The following GRM4 variants were observed in gnomAD, a reference collection of about 807,000 sequenced individuals.
GRM4 encodes metabotropic glutamate receptor 4.
GRM4 carries 28 observed loss-of-function variants against 81.7 expected under a neutral mutation model. That is an observed-to-expected ratio of 0.34 (90% CI 0.25 to 0.47). The LOEUF (loss-of-function observed/expected upper bound fraction) is 0.47, where lower values mean the gene tolerates loss of function less well. Ranked by LOEUF, GRM4 falls within the 20% of genes least tolerant of loss-of-function variation. The probability of loss-of-function intolerance (pLI) is 1.00; values close to 1 mark genes in which losing one functional copy is unlikely to be tolerated. For synonymous variants in GRM4, 488 were observed against 528.8 expected (o/e 0.92, Z 1.06); for missense variants, 948 against 1,290.0 (o/e 0.73, Z 4.06).
intron 1 of GRM4, chr6:34,154,991 C>A (rs1771119575): frequency 8.8e-7 from 1 of 1,139,926 alleles, no homozygotes; most frequent in Non-Finnish European, 1.2e-6. Context: ...CGAGCGGGAC[C>A]CAGGCCCAGT....
intron 8 of GRM4, among the ~76,000 whole-genome samples, chr6:34,039,511 G>A (rs115325450): frequency 0.013 from 1,989 of 152,262 alleles, 25 homozygotes; most frequent in Middle Eastern, 0.044. Context: ...ACTTTGTTGA[G>A]GAACAAACCA....
chr6:34,132,942 G>T (rs746813194), intron 2 of GRM4, 36 bp downstream of exon 2: 5 of 1,535,462 alleles, frequency 3.3e-6, no homozygotes, highest in South Asian at 1.3e-5. Flanking sequence ...GTCCGTTGGG[G>T]GAAGAGCACC....
intron 2 of GRM4, among the ~76,000 whole-genome samples, chr6:34,112,621 C>T (rs550992153): frequency 6.6e-6 from 1 of 152,070 alleles, no homozygotes; most frequent in African/African-American, 2.4e-5. Context: ...GTGCCCATGG[C>T]AGGTTCCAGC....
chr6:34,132,005 A>G (rs1195670840), intron 2 of GRM4, among the ~76,000 whole-genome samples: 3 of 152,096 alleles, frequency 2.0e-5, no homozygotes, highest in African/African-American at 4.8e-5. Context: ...AGCAAACAAG[A>G]CAGGCTCCAA....
intron 10 of GRM4, among the ~76,000 whole-genome samples, chr6:34,025,616 G>A (rs1182843511): frequency 6.6e-6 from 1 of 152,196 alleles, no homozygotes; most frequent in Non-Finnish European, 1.5e-5. Context: ...TCACCATCTG[G>A]AAAATGGGAG....
At position 34,092,047 on chromosome 6, in the gene GRM4, C is replaced by T. The variant is rs763947406; in HGVS notation, c.572G>A (p.Arg191His). ...STAPDLSDNS[R>H]YDFFSRVVPS... ...CACCACGCGGGAGAAGAAGTCGTAG[C>T]GGCTGTTGTCACTCAGGTCTGGCGC... is the stretch of plus-strand genomic sequence containing the variant. The change falls in exon 3 of 11, where the codon CGC becomes CAC. Residue 191 changes from arginine (R) to histidine (H), a missense_variant. Physicochemically the swap from Arg to His is conservative, Grantham distance 29. Coordinates refer to ENST00000538487, the MANE Select transcript of GRM4 (RefSeq NM_000841.4). The surrounding 1 kb of genome is among the most constrained non-coding windows in gnomAD (Gnocchi z 6.8). 4 of 1,613,706 alleles carry T rather than the reference C, an allele frequency of 2.5e-6. No individual in the cohort carries two copies. Among genetic ancestry groups the T allele is most frequent in the Non-Finnish European group, 2.5e-6 (3 of 1,179,772 alleles).
intron 5 of GRM4, 136 bp from the exon 6 acceptor site, chr6:34,056,820 A>G (rs1765921357): frequency 3.1e-6 from 3 of 961,110 alleles, no homozygotes; most frequent in Non-Finnish European, 4.5e-6. Context: ...CTGATCCAGG[A>G]GAAAACAAAA....
chr6:34,143,641 A>ATT (rs1338072326), intron 1 of GRM4, among the ~76,000 whole-genome samples: 8 of 152,236 alleles, frequency 5.3e-5, no homozygotes, highest in African/African-American at 1.9e-4. Context: ...CCAGAGCCTG[A>ATT]GGTTCAGCAT....
At chr6:34,045,640 G>T (rs1042393381) in intron 6 of GRM4, among the ~76,000 whole-genome samples, 7 of 152,152 alleles carry the variant, frequency 4.6e-5, no homozygotes. Flanking sequence ...CCATTGTCTG[G>T]CCAGGCCCAA....
At chr6:34,124,245 G>C (rs986678593) in intron 2 of GRM4, among the ~76,000 whole-genome samples, 1 of 152,086 alleles carries the variant, frequency 6.6e-6, no homozygotes, top group Non-Finnish European at 1.5e-5. Flanking sequence ...CTGTCCCCGG[G>C]GTCTCTGCAC....
At position 34,059,377 on chromosome 6, in the gene GRM4, C is replaced by T. The variant is rs188665147; in HGVS notation, c.873-249G>A. On this transcript the variant is annotated intron_variant, in intron 4 of 10. Coordinates refer to ENST00000538487, the MANE Select transcript of GRM4 (RefSeq NM_000841.4). The surrounding 1 kb of genome is among the most constrained non-coding windows in gnomAD (Gnocchi z 5.7). ...GGGCCCACGCCTGCTGCAGGCCCAG[C>T]GTGATTCTCCAGGCCTACATCTGTC... 8 of 543,250 alleles carry T rather than the reference C, an allele frequency of 1.5e-5. No individual in the cohort carries two copies. Among genetic ancestry groups the T allele is most frequent in the Admixed American group, 3.2e-5 (1 of 31,714 alleles). 33.7% of individuals were successfully genotyped at this position (543,250 alleles called of 1,614,324 possible). A position where few individuals can be genotyped will look rare whatever the true frequency, so the allele number is the denominator to read the frequency against.
In GRM4 at chr6:34,022,644, C is replaced by T. The variant is rs1420589433; in HGVS notation, c.*177G>A. ...GCCCCTCGTCCTCCTGTTGCTCACCCGGTTTGCCCAGGCTGCCAGCAGTGA... is the reference window on the plus strand; with the variant it reads ...GCCCCTCGTCCTCCTGTTGCTCACCTGGTTTGCCCAGGCTGCCAGCAGTGA... On this transcript the variant is annotated 3_prime_UTR_variant, in exon 11 of 11. Transcript: ENST00000538487. This position sits in a 1 kb window ranked among gnomAD's most constrained non-coding sequence, Gnocchi z 5.6. 6.5e-6 allele frequency: 4 copies of T among 619,862 alleles called. No homozygotes were observed. Among genetic ancestry groups the T allele is most frequent in the Non-Finnish European group, 8.7e-6 (3 of 345,154 alleles). 38.4% of individuals were successfully genotyped at this position (619,862 alleles called of 1,614,324 possible).
exon 1 of GRM4, chr6:34,155,116 G>A: frequency 2.0e-6 from 3 of 1,529,524 alleles, no homozygotes; most frequent in Non-Finnish European, 2.6e-6. Flanking sequence ...GGGGCGGCGG[G>A]GGTCTATTTC....
At chr6:34,137,324 G>T (rs2127514126) in intron 1 of GRM4, among the ~76,000 whole-genome samples, 1 of 152,374 alleles carries the variant, frequency 6.6e-6, no homozygotes, top group South Asian at 2.1e-4. Flanking sequence ...AGCCCTGAGG[G>T]GCAGGGATGA....
intron 2 of GRM4, among the ~76,000 whole-genome samples, chr6:34,103,246 G>A (rs780296877): frequency 4.6e-5 from 7 of 152,220 alleles, no homozygotes; most frequent in Non-Finnish European, 1.0e-4. Context: ...CCAGACAGAC[G>A]CAGGCAACAG....
chr6:34,108,875 C>T (rs1027754283), intron 2 of GRM4, among the ~76,000 whole-genome samples: 2 of 152,118 alleles, frequency 1.3e-5, no homozygotes, highest in African/African-American at 2.4e-5. Flanking sequence ...CGTCCTGTAC[C>T]GGTGCACCTC....
chr6:34,110,985 G>A (rs1297599606), intron 2 of GRM4: 4 of 534,718 alleles, frequency 7.5e-6, no homozygotes, highest in Admixed American at 4.9e-5. Flanking sequence ...GCCAAGCGGA[G>A]ACAGGGCTCC....
At chr6:34,112,825 C>A (rs921485776) in intron 2 of GRM4, among the ~76,000 whole-genome samples, 2 of 152,192 alleles carry the variant, frequency 1.3e-5, no homozygotes, top group African/African-American at 2.4e-5. Flanking sequence ...CTGCACCTCT[C>A]GGCCAGGGAT....
At chr6:34,071,674 C>T (rs574025047) in intron 3 of GRM4, among the ~76,000 whole-genome samples, 2 of 117,060 alleles carry the variant, frequency 1.7e-5, no homozygotes, top group East Asian at 2.9e-4. Flanking sequence ...AGACGCACAC[C>T]ACACACAATC....
Sources: allele counts gnomAD v4.1 joint callset (sites outside exome capture counted in the v4.1 genomes callset), GRCh38; gene constraint gnomAD v4.1.1; non-coding constraint Gnocchi (gnomAD v3.1); transcripts MANE v1.5; gene names NCBI Gene and HGNC (gene_info 2026-07-23, HGNC 2026-07-21).